CTNNA3: variants seen among roughly 807,000 people sequenced by gnomAD.
CTNNA3 encodes the protein catenin alpha 3.
CTNNA3 carries 76 observed loss-of-function variants against 95.7 expected under a neutral mutation model. The observed-to-expected ratio is 0.79, with a 90% CI of 0.66 to 0.96. The LOEUF (loss-of-function observed/expected upper bound fraction) is 0.96. Among genes scored for constraint, CTNNA3 ranks in the 40% least tolerant of loss-of-function variants. The probability of loss-of-function intolerance (pLI) is 0.00; values close to 1 mark genes in which losing one functional copy is unlikely to be tolerated. For synonymous variants in CTNNA3, 431 were observed against 374.4 expected, an observed-to-expected ratio of 1.15 and a Z score of -1.74; for missense variants, 1,191 against 1,089.8, an observed-to-expected ratio of 1.09 and a Z score of -1.31.
chr10:67,447,414 C>G (rs1312952459), intron 5 of CTNNA3, among the ~76,000 whole-genome samples: 1 of 152,178 alleles, frequency 6.6e-6, no homozygotes, highest in Non-Finnish European at 1.5e-5. Context: ...TTTTCTTTCT[C>G]AACTACCTTT....
chr10:66,335,058 C>T (rs1000674463), intron 12 of CTNNA3, among the ~76,000 whole-genome samples: 37 of 152,154 alleles, frequency 2.4e-4, no homozygotes, highest in African/African-American at 7.9e-4. Flanking sequence ...ATGTAGTTCT[C>T]GTGCCATGGT....
intron 11 of CTNNA3, among the ~76,000 whole-genome samples, chr10:66,381,729 A>G (rs992585703): frequency 1.3e-5 from 2 of 152,240 alleles, no homozygotes; most frequent in African/African-American, 4.8e-5. Context: ...AACCTTCATT[A>G]TAAATTAACT....
chr10:66,674,879 A>G (rs1053511798), intron 9 of CTNNA3, among the ~76,000 whole-genome samples: 2 of 152,084 alleles, frequency 1.3e-5, no homozygotes, highest in Non-Finnish European at 2.9e-5. Flanking sequence ...GCTGGAAATG[A>G]ACCTGATACA....
intron 4 of CTNNA3, among the ~76,000 whole-genome samples, chr10:67,524,069 C>T (rs1378656556): frequency 1.3e-5 from 2 of 152,118 alleles, no homozygotes; most frequent in African/African-American, 4.8e-5. Context: ...AAACATTATA[C>T]AACTCCAAAT....
chr10:66,146,061 C>T (rs2083870992), intron 13 of CTNNA3, among the ~76,000 whole-genome samples: 1 of 152,114 alleles, frequency 6.6e-6, no homozygotes, highest in Non-Finnish European at 1.5e-5. Context: ...ACCATGTTGG[C>T]CAGGATGGTC....
intron 7 of CTNNA3, among the ~76,000 whole-genome samples, chr10:66,914,407 T>C (rs1244970094): frequency 1.3e-5 from 2 of 152,076 alleles, no homozygotes; most frequent in Non-Finnish European, 2.9e-5. Flanking sequence ...CAGTTTTTAG[T>C]GATTCACTCA....
chr10:67,231,689 G>C (rs958578682), intron 5 of CTNNA3, among the ~76,000 whole-genome samples: 20 of 148,420 alleles, frequency 1.3e-4, no homozygotes. Flanking sequence ...GAGAGAAGAA[G>C]GCTTCAGACG....
chr10:67,759,350 CA>C (rs1841450371), intron 1 of CTNNA3, among the ~76,000 whole-genome samples: 1 of 152,196 alleles, frequency 6.6e-6, no homozygotes. Flanking sequence ...TAAATAGTGG[CA>C]AAGCCTCTAA....
chr10:66,741,972 G>C (rs1249858576), intron 9 of CTNNA3, among the ~76,000 whole-genome samples: 1 of 152,146 alleles, frequency 6.6e-6, no homozygotes, highest in African/African-American at 2.4e-5. Context: ...TGTAGAGCAT[G>C]TGTGTTTGAA....
chr10:66,487,264 C>G (rs571894449), intron 11 of CTNNA3, among the ~76,000 whole-genome samples: 12 of 125,726 alleles, frequency 9.5e-5, no homozygotes, highest in Admixed American at 4.1e-4. Flanking sequence ...TGCGGTGGCG[C>G]GATCTCGGCT....
At chr10:66,449,816 C>A (rs546415557) in intron 11 of CTNNA3, among the ~76,000 whole-genome samples, 2 of 152,016 alleles carry the variant, frequency 1.3e-5, no homozygotes, top group African/African-American at 2.4e-5. Flanking sequence ...AGAATACATG[C>A]ATTTCTTTTG....
intron 9 of CTNNA3, among the ~76,000 whole-genome samples, chr10:66,764,654 A>C (rs966256148): frequency 6.6e-6 from 1 of 152,192 alleles, no homozygotes; most frequent in Non-Finnish European, 1.5e-5. Flanking sequence ...TCTTCAGCTT[A>C]GAGAACACAT....
At chr10:66,214,064 T>C (rs2088352610) in intron 13 of CTNNA3, among the ~76,000 whole-genome samples, 1 of 152,140 alleles carries the variant, frequency 6.6e-6, no homozygotes, top group Non-Finnish European at 1.5e-5. Context: ...TGTTCAGCAG[T>C]CAACATGAGC....
At chr10:66,917,173 A>G (rs1218505841) in intron 7 of CTNNA3, among the ~76,000 whole-genome samples, 1 of 152,236 alleles carries the variant, frequency 6.6e-6, no homozygotes, top group African/African-American at 2.4e-5. Context: ...ACAGTGTAAG[A>G]GTTTAATAAA....
chr10:67,517,116 C>T (rs1191878536), intron 5 of CTNNA3, among the ~76,000 whole-genome samples: 2 of 152,024 alleles, frequency 1.3e-5, no homozygotes, highest in African/African-American at 4.8e-5. Context: ...GATATATACC[C>T]AAAAGTAAGA....
At chr10:67,380,071 C>T (rs1843876747) in intron 5 of CTNNA3, among the ~76,000 whole-genome samples, 2 of 148,992 alleles carry the variant, frequency 1.3e-5, no homozygotes, top group Non-Finnish European at 3.0e-5. Flanking sequence ...AAACAGAACA[C>T]TTACAGTAGG....
chr10:66,555,550 C>T, intron 10 of CTNNA3, among the ~76,000 whole-genome samples: 1 of 152,230 alleles, frequency 6.6e-6, no homozygotes, highest in East Asian at 1.9e-4. Context: ...ACCAAAATGA[C>T]TGGACTACCT....
intron 13 of CTNNA3, among the ~76,000 whole-genome samples, chr10:66,249,148 A>G (rs2090449763): frequency 6.6e-6 from 1 of 152,176 alleles, no homozygotes; most frequent in African/African-American, 2.4e-5. Context: ...ACAAAAATCT[A>G]AGACTAGAAA....
Position 66,433,805 on chromosome 10 carries a change from G to T in CTNNA3, c.1532-54453C>A, listed in dbSNP as rs567135299. Among the ~76,000 whole-genome samples, 11 of 152,252 alleles carry T rather than the reference G, an allele frequency of 7.2e-5. No homozygotes were observed. In the South Asian group the frequency reaches 2.1e-3, roughly 29 times the overall value. On this transcript the variant is annotated intron_variant, in intron 11 of 17. Transcript: ENST00000433211. ...TACCTTTAAGTCTTTAATTTATCTT[G>T]AGTTAATGTTTGTATTAGGTGTAAG...
Sources: gnomAD v4.1 joint callset for allele counts (sites outside exome capture counted in the v4.1 genomes callset) on GRCh38, gnomAD v4.1.1 for gene constraint, MANE v1.5 for transcripts, NCBI Gene and HGNC (gene_info 2026-07-23, HGNC 2026-07-21) for gene names.